The following PHEX variants were observed in gnomAD, a reference collection of about 807,000 sequenced individuals.
PHEX encodes phosphate regulating endopeptidase X-linked.
Under a neutral mutation model 68.0 loss-of-function variants are expected in PHEX, and 16 were observed. The observed-to-expected ratio is 0.24, with a 90% CI of 0.16 to 0.36. PHEX has a LOEUF of 0.36. Among genes scored for constraint, PHEX ranks in the 10% least tolerant of loss-of-function variants. The pLI is 1.00. For missense variants in PHEX, 480 were observed against 575.5 expected, an observed-to-expected ratio of 0.83 and a Z score of 1.70; for synonymous variants, 208 against 205.1, an observed-to-expected ratio of 1.01 and a Z score of -0.12.
chrX:22,198,529 T>C (rs1934443933), intron 15 of PHEX, among the ~76,000 whole-genome samples: 1 of 110,732 alleles, frequency 9.0e-6, no homozygotes, highest in African/African-American at 3.3e-5. Context: ...AAAAAGAAAT[T>C]TCTCTGGGCA....
At chrX:22,227,112 G>A (rs1935532657) in intron 19 of PHEX, among the ~76,000 whole-genome samples, 2 of 112,282 alleles carry the variant, frequency 1.8e-5, no homozygotes, top group Non-Finnish European at 3.8e-5. Context: ...TTTATAAAAT[G>A]AGGGCACTAG....
chrX:22,131,928 C>T (rs1439945592), intron 11 of PHEX, among the ~76,000 whole-genome samples: 1 of 110,957 alleles, frequency 9.0e-6, no homozygotes, highest in Non-Finnish European at 1.9e-5. Context: ...TCTAATGTGA[C>T]GTGTCAGTAG....
intron 11 of PHEX, among the ~76,000 whole-genome samples, chrX:22,115,049 C>A (rs200828468): frequency 5.4e-5 from 6 of 111,621 alleles, no homozygotes; most frequent in Non-Finnish European, 1.1e-4. Context: ...AGTATACGGC[C>A]GGGCGCAGTG....
intron 15 of PHEX, among the ~76,000 whole-genome samples, chrX:22,192,062 G>A (rs946290874): frequency 6.3e-5 from 7 of 111,859 alleles, no homozygotes; most frequent in African/African-American, 9.7e-5. Flanking sequence ...ACCAAATTCC[G>A]GTTGGTGGTG....
rs3085228 is a variant in PHEX, at chrX:22,185,756, G to GTTTTTTTTTTTTTTTTTTTT, written c.1587-4671_1587-4670insTTTTTTTTTTTTTTTTTTTT. ...CTCAGCTGCATGGTTCTCGTTTGTGGTTTTTTTTTTTTTTTTTGGACACAG... is the reference window on the plus strand; with the variant it reads ...CTCAGCTGCATGGTTCTCGTTTGTGGTTTTTTTTTTTTTTTTTTTTTTTTTTTTTTTTTTTTTGGACACAG... On this transcript the variant is annotated intron_variant, in intron 14 of 21. Coordinates refer to ENST00000379374, the MANE Select transcript of PHEX (RefSeq NM_000444.6). 1.1e-3 allele frequency among the ~76,000 whole-genome samples: 93 copies of GTTTTTTTTTTTTTTTTTTTT among 87,752 alleles called. 5 individuals are homozygous for GTTTTTTTTTTTTTTTTTTTT. Among genetic ancestry groups the GTTTTTTTTTTTTTTTTTTTT allele is most frequent in the African/African-American group, 4.4e-3 (87 of 19,928 alleles). 76.2% of individuals were successfully genotyped at this position (87,752 alleles called of 115,157 possible). A position where few individuals can be genotyped will look rare whatever the true frequency, so the allele number is the denominator to read the frequency against.
chrX:22,039,714 C>T (rs5904609), intron 2 of PHEX, among the ~76,000 whole-genome samples: 36,394 of 110,645 alleles, frequency 0.33, 4,569 homozygotes, highest in Middle Eastern at 0.39. Flanking sequence ...ACCTAGATAC[C>T]TTTATCAGTG....
At chrX:22,156,120 A>G (rs1276130689) in intron 12 of PHEX, among the ~76,000 whole-genome samples, 1 of 112,105 alleles carries the variant, frequency 8.9e-6, no homozygotes, top group African/African-American at 3.2e-5. Context: ...ACTAACCTGC[A>G]TGAGAGCTTA....
At chrX:22,075,524 A>G (rs540767671) in intron 3 of PHEX, among the ~76,000 whole-genome samples, 2 of 110,913 alleles carry the variant, frequency 1.8e-5, no homozygotes, top group East Asian at 5.7e-4. Context: ...CTGGTGCTGC[A>G]GTCACCATAG....
intron 11 of PHEX, among the ~76,000 whole-genome samples, chrX:22,128,649 C>T (rs1931842551): frequency 9.0e-6 from 1 of 111,523 alleles, no homozygotes; most frequent in Admixed American, 9.6e-5. Flanking sequence ...TATTTTAAAA[C>T]CTAATAAAAT....
At chrX:22,049,837 G>T (rs1438977734) in intron 3 of PHEX, among the ~76,000 whole-genome samples, 1 of 110,625 alleles carries the variant, frequency 9.0e-6, no homozygotes, top group South Asian at 3.9e-4. Context: ...CACTCCAGCC[G>T]GGGCAACAAG....
chrX:22,161,375 G>A (rs368086374), intron 12 of PHEX, among the ~76,000 whole-genome samples: 15 of 112,070 alleles, frequency 1.3e-4, no homozygotes, highest in East Asian at 5.6e-4. Context: ...GCAATGAGCC[G>A]AGATCGTGCT....
rs951786956 is a variant in PHEX, at chrX:22,178,610, C to T, written c.1586+234C>T. 1.5e-4 allele frequency among the ~76,000 whole-genome samples: 17 copies of T among 111,557 alleles called. 1 individual carries two copies. Among genetic ancestry groups the T allele is most frequent in the Non-Finnish European group, 3.8e-5 (2 of 53,034 alleles). ...AGCATCAACACATATCAAGAGAAGG[C>T]TTATTAGAATGCAAACATTAAAGTT... On this transcript the variant is annotated intron_variant, in intron 14 of 21. Coordinates refer to ENST00000379374, the MANE Select transcript of PHEX (RefSeq NM_000444.6).
intron 3 of PHEX, among the ~76,000 whole-genome samples, chrX:22,051,445 C>T (rs1256957976): frequency 1.8e-5 from 2 of 111,282 alleles, no homozygotes; most frequent in South Asian, 3.8e-4. Context: ...GCAGGAGAAT[C>T]GCTTGAACCC....
intron 11 of PHEX, among the ~76,000 whole-genome samples, chrX:22,123,946 C>T (rs1245485799): frequency 9.2e-6 from 1 of 109,146 alleles, no homozygotes; most frequent in Non-Finnish European, 1.9e-5. Flanking sequence ...ATTTTCCCGC[C>T]TCAGCCTCCC....
chrX:22,111,124 G>A (rs1038703143), intron 9 of PHEX, among the ~76,000 whole-genome samples: 2 of 112,158 alleles, frequency 1.8e-5, no homozygotes, highest in African/African-American at 3.2e-5. Flanking sequence ...GATGTTATTC[G>A]AGGATCTGCT....
At chrX:22,226,606 T>G (rs1935515560) in intron 19 of PHEX, 98 bp downstream of exon 19, 15 of 648,793 alleles carry the variant, frequency 2.3e-5, no homozygotes, top group Middle Eastern at 3.0e-4. Flanking sequence ...CTTGAGGAGT[T>G]AGTTAGTTAG....
At chrX:22,045,813 A>G (rs1927502962) in intron 2 of PHEX, among the ~76,000 whole-genome samples, 1 of 112,137 alleles carries the variant, frequency 8.9e-6, no homozygotes, top group Non-Finnish European at 1.9e-5. Flanking sequence ...GATGGCCCCA[A>G]GCTCCCTTCC....
At chrX:22,108,634 T>C (rs1930810709) in intron 9 of PHEX, among the ~76,000 whole-genome samples, 1 of 111,978 alleles carries the variant, frequency 8.9e-6, no homozygotes, top group Non-Finnish European at 1.9e-5. Context: ...CTGGCTTGTT[T>C]TCATTCAATA....
intron 20 of PHEX, among the ~76,000 whole-genome samples, chrX:22,239,064 T>C (rs1470789580): frequency 1.8e-5 from 2 of 111,934 alleles, no homozygotes; most frequent in Admixed American, 9.4e-5. Flanking sequence ...CTGTGTAGAC[T>C]TCACTGGTGA....
Sources: gnomAD v4.1 joint callset for allele counts (sites outside exome capture counted in the v4.1 genomes callset) on GRCh38, gnomAD v4.1.1 for gene constraint, MANE v1.5 for transcripts, NCBI Gene and HGNC (gene_info 2026-07-23, HGNC 2026-07-21) for gene names.